Variants in MEGF10 observed in about 807,000 individuals in gnomAD.
The protein encoded by MEGF10 is multiple EGF like domains 10.
Under a neutral mutation model 147.5 loss-of-function variants are expected in MEGF10, and 86 were observed. The observed-to-expected ratio is 0.58, with a 90% CI of 0.49 to 0.70. The LOEUF is 0.70. MEGF10 is among the 30% of genes least tolerant of loss of function. The pLI is 0.00. For missense variants in MEGF10, 1,329 were observed against 1,487.3 expected (o/e 0.89, Z 1.75); for synonymous variants, 478 against 525.5 (o/e 0.91, Z 1.24).
chr5:127,395,295 G>T (rs17604777), intron 5 of MEGF10, among the ~76,000 whole-genome samples: 5 of 151,686 alleles, frequency 3.3e-5, no homozygotes, highest in Non-Finnish European at 7.4e-5. Flanking sequence ...TATTGCAGCC[G>T]CTCTTTCTTT....
chr5:127,251,418 T>C, the MEGF10 span, among the ~76,000 whole-genome samples: 2 of 152,012 alleles, frequency 1.3e-5, no homozygotes, highest in Non-Finnish European at 2.9e-5. Context: ...TTATACTACC[T>C]ACGTCTTATG....
chr5:127,251,585 G>A, the MEGF10 span, among the ~76,000 whole-genome samples: 46 of 152,058 alleles, frequency 3.0e-4, no homozygotes, highest in African/African-American at 9.9e-4. Context: ...GGTGAAGCTT[G>A]GTTATCCATT....
the MEGF10 span, among the ~76,000 whole-genome samples, chr5:127,246,495 C>A: frequency 6.6e-6 from 1 of 151,758 alleles, no homozygotes; most frequent in South Asian, 2.1e-4. Flanking sequence ...AGGAGAAATG[C>A]CTAATGTAGA....
chr5:127,238,048 TATATATATATATATATGTATATACTG>T, the MEGF10 span, among the ~76,000 whole-genome samples: 3 of 36,598 alleles, frequency 8.2e-5, no homozygotes, highest in Admixed American at 1.1e-3. Context: ...TATATATATA[TATATATATATATATATGTATATACTG>T]AGATGGAGTC....
chr5:127,383,492 T>C (rs1185963227), intron 5 of MEGF10, among the ~76,000 whole-genome samples: 1 of 151,850 alleles, frequency 6.6e-6, no homozygotes, highest in Non-Finnish European at 1.5e-5. Flanking sequence ...AAAAAGTAAA[T>C]CTCAATATCA....
the MEGF10 span, among the ~76,000 whole-genome samples, chr5:127,265,681 C>CATTT: frequency 6.6e-6 from 1 of 152,174 alleles, no homozygotes; most frequent in Admixed American, 6.5e-5. Flanking sequence ...TGGTGATGAG[C>CATTT]ATTTTTTCAT....
intron 8 of MEGF10, among the ~76,000 whole-genome samples, chr5:127,409,427 C>T (rs1216418758): frequency 6.6e-6 from 1 of 152,234 alleles, no homozygotes; most frequent in African/African-American, 2.4e-5. Context: ...GAAAGCTCCC[C>T]TTCTGCTGCA....
In MEGF10 at chr5:127,408,209, T is replaced by TA. The variant is rs1289525115; in HGVS notation, c.918-2179dup. On this transcript the variant is annotated intron_variant, in intron 8 of 24. Transcript: ENST00000503335. Reference sequence around the variant, plus strand: ...AATTTCCCAGGCTTCCGATCTATACTACTTTCAACCACTTTTAAAGCTGTG... The same window carrying TA: ...AATTTCCCAGGCTTCCGATCTATACTAACTTTCAACCACTTTTAAAGCTGTG... Among the ~76,000 whole-genome samples, 6 of 152,374 alleles carry TA rather than the reference T, an allele frequency of 3.9e-5. 1 individual carries two copies. The highest frequency in any genetic ancestry group is 1.4e-4 in the African/African-American group (6 of 41,604).
At chr5:127,358,494 T>C (rs1396105129) in intron 4 of MEGF10, among the ~76,000 whole-genome samples, 2 of 149,296 alleles carry the variant, frequency 1.3e-5, no homozygotes, top group East Asian at 3.9e-4. Flanking sequence ...GGAAACAATA[T>C]TTGTAAAAGA....
At position 127,458,362 on chromosome 5, in the gene MEGF10, T is replaced by C. The variant is rs1346265022; in HGVS notation, c.*1044T>C. On this transcript the variant is annotated 3_prime_UTR_variant, in exon 25 of 25. Coordinates refer to ENST00000503335, the MANE Select transcript of MEGF10 (RefSeq NM_001256545.2). ...TTTGAGAAAGGGAACTTTCCTTTTA[T>C]TAATTGTCAATTTAGAGAAACTATG... 1.3e-5 allele frequency: 2 copies of C among 152,226 alleles called. No homozygotes were observed. The highest frequency in any genetic ancestry group is 2.9e-5 in the Non-Finnish European group (2 of 68,036). The allele number at this position is 152,226 out of a possible 1,614,324, so 9.4% of individuals were successfully genotyped here.
chr5:127,436,784 C>G (rs773506494), intron 16 of MEGF10, among the ~76,000 whole-genome samples: 22 of 152,304 alleles, frequency 1.4e-4, no homozygotes, highest in Admixed American at 8.5e-4. Flanking sequence ...TTTGCTTCTC[C>G]TGGGGATCAT....
intron 5 of MEGF10, among the ~76,000 whole-genome samples, chr5:127,391,153 CAT>C (rs756126739): frequency 0.098 from 3,940 of 40,380 alleles, 142 homozygotes; most frequent in Middle Eastern, 0.19. Context: ...CACACACACA[CAT>C]ACATGCTTAT....
chr5:127,243,629 G>C, the MEGF10 span, among the ~76,000 whole-genome samples: 1 of 152,138 alleles, frequency 6.6e-6, no homozygotes, highest in Middle Eastern at 3.4e-3. Flanking sequence ...TCCTATTCTA[G>C]AAAGAAATAA....
At chr5:127,391,104 A>ACACACG (rs1763665637) in intron 5 of MEGF10, among the ~76,000 whole-genome samples, 4 of 49,384 alleles carry the variant, frequency 8.1e-5, no homozygotes, top group Admixed American at 5.0e-4. Context: ...GCGCGCGCGC[A>ACACACG]CACACACACA....
the MEGF10 span, among the ~76,000 whole-genome samples, chr5:127,267,997 T>C: frequency 1.3e-5 from 2 of 152,200 alleles, no homozygotes. Context: ...CTCTAGTTCT[T>C]TTAATTGTGA....
intron 12 of MEGF10, 25 bp from the exon 13 acceptor site, chr5:127,422,645 G>A (rs763125900): frequency 6.3e-7 from 1 of 1,598,794 alleles, no homozygotes; most frequent in Non-Finnish European, 8.6e-7. Context: ...CCTCATTGCT[G>A]CCTTTGATGC....
At chr5:127,247,474 A>G in the MEGF10 span, among the ~76,000 whole-genome samples, 2 of 149,258 alleles carry the variant, frequency 1.3e-5, no homozygotes, top group African/African-American at 2.5e-5. Flanking sequence ...GAAGAAGAAG[A>G]AGAAGAAGAA....
At chr5:127,284,477 A>G in the MEGF10 span, among the ~76,000 whole-genome samples, 2 of 152,024 alleles carry the variant, frequency 1.3e-5, no homozygotes, top group Non-Finnish European at 2.9e-5. Context: ...CAATCAGAAG[A>G]CCAGAATAAA....
In MEGF10 at chr5:127,457,382, T is replaced by C; in HGVS notation, c.*64T>C. 1 of 1,512,946 alleles carries C rather than the reference T, an allele frequency of 6.6e-7. No homozygotes were observed. 93.7% of individuals were successfully genotyped at this position (1,512,946 alleles called of 1,614,324 possible). A position where few individuals can be genotyped will look rare whatever the true frequency, so the allele number is the denominator to read the frequency against. Reference sequence around the variant, plus strand: ...AGAACTGCTGTTTGGTTCTTCTCCATCCTCAATTTTGCCACTTTCATGTGA... The same window carrying C: ...AGAACTGCTGTTTGGTTCTTCTCCACCCTCAATTTTGCCACTTTCATGTGA... On this transcript the variant is annotated 3_prime_UTR_variant, in exon 25 of 25. Transcript: ENST00000503335.
Sources: allele counts gnomAD v4.1 joint callset (sites outside exome capture counted in the v4.1 genomes callset), GRCh38; gene constraint gnomAD v4.1.1; transcripts MANE v1.5; gene names NCBI Gene and HGNC (gene_info 2026-07-23, HGNC 2026-07-21).